Variants in CDH7 observed in about 807,000 individuals in gnomAD.
CDH7 encodes cadherin 7.
CDH7 carries 25 observed loss-of-function variants against 71.8 expected under a neutral mutation model. The ratio of observed to expected loss-of-function variants is 0.35; its 90% CI spans 0.25 to 0.49. CDH7 has a LOEUF of 0.49. Ranked by LOEUF, CDH7 falls within the 20% of genes least tolerant of loss-of-function variation. CDH7 has a pLI of 0.99. For synonymous variants in CDH7, 381 were observed against 363.8 expected, an observed-to-expected ratio of 1.05 and a Z score of -0.54; for missense variants, 862 against 974.6, an observed-to-expected ratio of 0.88 and a Z score of 1.54.
chr18:65,756,766 A>G (rs762998416), intron 1 of CDH7, among the ~76,000 whole-genome samples: 6 of 152,366 alleles, frequency 3.9e-5, no homozygotes, highest in South Asian at 2.1e-4. Context: ...AAATAGTCCT[A>G]TATTTCCTTT....
At chr18:65,789,481 T>TTTTG (rs1555682880) in intron 2 of CDH7, among the ~76,000 whole-genome samples, 23 of 151,562 alleles carry the variant, frequency 1.5e-4, no homozygotes, top group Admixed American at 6.6e-4. Flanking sequence ...GTTTGTTTTT[T>TTTTG]TTTGTTTGTT....
chr18:65,855,323 T>A (rs1174750692), intron 7 of CDH7, among the ~76,000 whole-genome samples: 1 of 149,734 alleles, frequency 6.7e-6, no homozygotes, highest in Non-Finnish European at 1.5e-5. Context: ...GACCTAAATA[T>A]TGATAAACGT....
chr18:65,844,174 G>GAT lies in CDH7; in HGVS notation c.1235+122_1235+123dup, dbSNP rs1555688432. 13 of 227,966 alleles carry GAT rather than the reference G, an allele frequency of 5.7e-5. 1 individual carries two copies. Among genetic ancestry groups the GAT allele is most frequent in the Admixed American group, 1.7e-4 (3 of 17,434 alleles). 14.1% of individuals were successfully genotyped at this position (227,966 alleles called of 1,614,324 possible). ...CTTTGTTCATAACAAATAAAAACCA[G>GAT]ATATATATATATATCGAGTTATAAC... On this transcript the variant is annotated intron_variant, in intron 7 of 11. Transcript: ENST00000397968.
At chr18:65,758,094 TGTG>T (rs1464875767) in intron 1 of CDH7, among the ~76,000 whole-genome samples, 1 of 152,232 alleles carries the variant, frequency 6.6e-6, no homozygotes, top group Non-Finnish European at 1.5e-5. Context: ...TAAAAGTTAT[TGTG>T]GTATCTTTCT....
chr18:65,754,533 A>C, intron 1 of CDH7, among the ~76,000 whole-genome samples: 1 of 152,210 alleles, frequency 6.6e-6, no homozygotes, highest in East Asian at 1.9e-4. Flanking sequence ...AAATTATCGA[A>C]TGTGATGTTA....
In CDH7 at chr18:65,889,665, GC is replaced by G. The variant is rs1317582514; in HGVS notation, c.*8772del. On this transcript the variant is annotated 3_prime_UTR_variant, in exon 12 of 12. Coordinates refer to ENST00000397968, the MANE Select transcript of CDH7 (RefSeq NM_004361.5). ...AGATGATCTATGATGGTGTATACTT[GC>G]AAAATAACTAAAGAGTGTATTTAAG... 6.6e-6 allele frequency: 1 copy of G among 152,144 alleles called. No individual in the cohort carries two copies. Among genetic ancestry groups the G allele is most frequent in the African/African-American group, 2.4e-5 (1 of 41,432 alleles). The allele number at this position is 152,144 out of a possible 1,614,324, so 9.4% of individuals were successfully genotyped here. A position where few individuals can be genotyped will look rare whatever the true frequency, so the allele number is the denominator to read the frequency against.
intron 7 of CDH7, among the ~76,000 whole-genome samples, chr18:65,846,096 T>C (rs1378399349): frequency 6.6e-6 from 1 of 152,078 alleles, no homozygotes; most frequent in East Asian, 1.9e-4. Context: ...AATATTTTCA[T>C]TGGAAAAAAG....
chr18:65,846,861 T>C (rs1912951153), intron 7 of CDH7, among the ~76,000 whole-genome samples: 1 of 152,184 alleles, frequency 6.6e-6, no homozygotes, highest in Non-Finnish European at 1.5e-5. Context: ...GCTTTTAAAC[T>C]GTGAATCATG....
Position 65,880,935 on chromosome 18 carries a change from C to T in CDH7, c.*41C>T. The T allele has an allele frequency of 1.3e-6, 2 of 1,522,880 alleles. No individual in the cohort carries two copies. The highest frequency in any genetic ancestry group is 2.6e-5 in the South Asian group (2 of 76,554). The allele number at this position is 1,522,880 out of a possible 1,614,324, so 94.3% of individuals were successfully genotyped here. A position where few individuals can be genotyped will look rare whatever the true frequency, so the allele number is the denominator to read the frequency against. On this transcript the variant is annotated 3_prime_UTR_variant, in exon 12 of 12. Coordinates refer to ENST00000397968, the MANE Select transcript of CDH7 (RefSeq NM_004361.5). ...TCGAAATGTACTGAAGAAAAAGTAACAGCAAAAAATAAAATAAAATGAAAT... is the reference window on the plus strand; with the variant it reads ...TCGAAATGTACTGAAGAAAAAGTAATAGCAAAAAATAAAATAAAATGAAAT...
intron 11 of CDH7, among the ~76,000 whole-genome samples, chr18:65,875,229 G>A (rs1468767702): frequency 6.6e-6 from 1 of 152,078 alleles, no homozygotes; most frequent in Non-Finnish European, 1.5e-5. Context: ...ATCTTTAAGA[G>A]GATATGACAG....
chr18:65,852,517 T>C (rs1426441214), intron 7 of CDH7, among the ~76,000 whole-genome samples: 1 of 152,136 alleles, frequency 6.6e-6, no homozygotes, highest in Non-Finnish European at 1.5e-5. Context: ...CTTCTGGATC[T>C]CTTCCATTGT....
chr18:65,786,202 A>T (rs1910507259), intron 2 of CDH7, among the ~76,000 whole-genome samples: 1 of 152,152 alleles, frequency 6.6e-6, no homozygotes, highest in African/African-American at 2.4e-5. Context: ...GATCAATGAG[A>T]AAGTACTTTT....
intron 6 of CDH7, among the ~76,000 whole-genome samples, chr18:65,840,634 A>G (rs1467925660): frequency 6.6e-6 from 1 of 151,890 alleles, no homozygotes; most frequent in African/African-American, 2.4e-5. Context: ...TATAAGGGGG[A>G]GTTTCACTGC....
chr18:65,867,465 C>G (rs967423308), intron 11 of CDH7, among the ~76,000 whole-genome samples: 1 of 151,902 alleles, frequency 6.6e-6, no homozygotes, highest in African/African-American at 2.4e-5. Flanking sequence ...GCTAAAAACA[C>G]TTTAAAGAAA....
chr18:65,814,495 G>A lies in CDH7; in HGVS notation c.516G>A (p.Val172=), dbSNP rs1414817630. 6.2e-7 allele frequency: 1 copy of A among 1,613,868 alleles called. No homozygotes were observed. Among genetic ancestry groups the A allele is most frequent in the South Asian group, 1.1e-5 (1 of 91,078 alleles). ...GGGATTGGCATCTAGGGACCTCAGTGGTACAAGTGACAGCGACGGATGCTG... is the reference window on the plus strand; with the variant it reads ...GGGATTGGCATCTAGGGACCTCAGTAGTACAAGTGACAGCGACGGATGCTG... ...VPEMSPVGTS[V]VQVTATDADD... The change falls in exon 4 of 12, where the codon GTG becomes GTA. Residue 172 remains valine (V), a synonymous_variant. Coordinates refer to ENST00000397968, the MANE Select transcript of CDH7 (RefSeq NM_004361.5).
Position 65,884,370 on chromosome 18 carries a change from A to G in CDH7, c.*3476A>G, listed in dbSNP as rs994269255. 9 of 152,090 alleles carry G rather than the reference A, an allele frequency of 5.9e-5. No homozygotes were observed. Among genetic ancestry groups the G allele is most frequent in the Admixed American group, 6.5e-5 (1 of 15,274 alleles). 9.4% of individuals were successfully genotyped at this position (152,090 alleles called of 1,614,324 possible). A position where few individuals can be genotyped will look rare whatever the true frequency, so the allele number is the denominator to read the frequency against. On this transcript the variant is annotated 3_prime_UTR_variant, in exon 12 of 12. Transcript: ENST00000397968. ...TGATTTTTCTACAAGCAATCACCAG[A>G]TCTGGGATCTGGTAAATGTCTTTAT... is the stretch of plus-strand genomic sequence containing the variant.
intron 2 of CDH7, among the ~76,000 whole-genome samples, chr18:65,800,267 G>T (rs1256154431): frequency 6.6e-6 from 1 of 151,974 alleles, no homozygotes; most frequent in Non-Finnish European, 1.5e-5. Flanking sequence ...TTTTAATAGA[G>T]ACAGGGTTTC....
intron 2 of CDH7, among the ~76,000 whole-genome samples, chr18:65,791,536 C>G (rs539059211): frequency 6.6e-6 from 1 of 152,154 alleles, no homozygotes; most frequent in Non-Finnish European, 1.5e-5. Flanking sequence ...TAGAGTCAAA[C>G]CTCCTTGATC....
intron 7 of CDH7, among the ~76,000 whole-genome samples, chr18:65,857,499 T>C (rs1005738208): frequency 4.5e-4 from 68 of 151,524 alleles, no homozygotes; most frequent in African/African-American, 1.6e-3. Context: ...AGACCCTGTA[T>C]CAAAAATAAA....
Sources: allele counts gnomAD v4.1 joint callset (sites outside exome capture counted in the v4.1 genomes callset), GRCh38; gene constraint gnomAD v4.1.1; transcripts MANE v1.5; gene names NCBI Gene and HGNC (gene_info 2026-07-23, HGNC 2026-07-21).